IL1RAPL2: variants seen among roughly 807,000 people sequenced by gnomAD.
The protein encoded by IL1RAPL2 is X-linked interleukin-1 receptor accessory protein-like 2.
Under a neutral mutation model 44.1 loss-of-function variants are expected in IL1RAPL2, and 3 were observed. That is an observed-to-expected ratio of 0.07 (90% CI 0.03 to 0.18). The LOEUF (loss-of-function observed/expected upper bound fraction) is 0.18, where lower values mean the gene tolerates loss of function less well. Among genes scored for constraint, IL1RAPL2 ranks in the 10% least tolerant of loss-of-function variants. The pLI is 1.00. For missense variants in IL1RAPL2, 391 were observed against 496.4 expected (o/e 0.79, Z 2.02); for synonymous variants, 181 against 178.8 (o/e 1.01, Z -0.10).
intron 5 of IL1RAPL2, among the ~76,000 whole-genome samples, chrX:105,422,205 G>T (rs2035778162): frequency 8.9e-6 from 1 of 111,768 alleles, no homozygotes; most frequent in South Asian, 3.7e-4. Context: ...GCTGAGCCCA[G>T]CCTTGGATTT....
At chrX:105,452,834 A>C (rs769899396) in intron 5 of IL1RAPL2, among the ~76,000 whole-genome samples, 70 of 112,277 alleles carry the variant, frequency 6.2e-4, no homozygotes, top group Middle Eastern at 4.2e-3. Context: ...AAGAATGAAA[A>C]ATGAGAATCC....
At chrX:104,853,153 G>A (rs1268224603) in intron 2 of IL1RAPL2, among the ~76,000 whole-genome samples, 1 of 112,312 alleles carries the variant, frequency 8.9e-6, no homozygotes, top group African/African-American at 3.2e-5. Context: ...GCTAGGTACT[G>A]TGGAGAATAT....
At chrX:104,622,205 G>A (rs1929413395) in intron 1 of IL1RAPL2, among the ~76,000 whole-genome samples, 1 of 110,364 alleles carries the variant, frequency 9.1e-6, no homozygotes, top group African/African-American at 3.3e-5. Context: ...TTTTCTAACT[G>A]CAATATTGAG....
intron 5 of IL1RAPL2, among the ~76,000 whole-genome samples, chrX:105,344,124 G>A (rs756412609): frequency 9.0e-6 from 1 of 111,693 alleles, no homozygotes; most frequent in East Asian, 2.8e-4. Context: ...TGAACCCCTG[G>A]CCTCAAGTGA....
chrX:104,938,313 C>T (rs1925074497), intron 2 of IL1RAPL2, among the ~76,000 whole-genome samples: 1 of 111,717 alleles, frequency 9.0e-6, no homozygotes, highest in Admixed American at 9.6e-5. Flanking sequence ...GAATTCTTGT[C>T]CAATATCAAT....
intron 4 of IL1RAPL2, among the ~76,000 whole-genome samples, chrX:105,238,486 G>A (rs1454577982): frequency 9.0e-5 from 10 of 110,751 alleles, no homozygotes; most frequent in Non-Finnish European, 1.9e-4. Flanking sequence ...TGTGAACAAG[G>A]ACTTCAGGTC....
intron 6 of IL1RAPL2, among the ~76,000 whole-genome samples, chrX:105,541,556 A>G (rs1296021816): frequency 9.0e-6 from 1 of 111,052 alleles, no homozygotes; most frequent in Non-Finnish European, 1.9e-5. Context: ...AGAGCATTGA[A>G]TACTGAGCTG....
chrX:105,038,989 A>G (rs749212145), intron 2 of IL1RAPL2, among the ~76,000 whole-genome samples: 4 of 111,468 alleles, frequency 3.6e-5, no homozygotes, highest in Non-Finnish European at 7.5e-5. Context: ...CAATGCCTAT[A>G]AGCTCTGTTG....
At chrX:105,694,927 AGGCATTTTTCCCCTGGAAATG>A (rs2038064829) in intron 6 of IL1RAPL2, among the ~76,000 whole-genome samples, 1 of 111,479 alleles carries the variant, frequency 9.0e-6, no homozygotes, top group Non-Finnish European at 1.9e-5. Context: ...ATGACCTTTA[AGGCATTTTTCCCCTGGAAATG>A]AGACTAGTTC....
At chrX:105,640,654 GTATATATATATATATA>G (rs768814568) in intron 6 of IL1RAPL2, among the ~76,000 whole-genome samples, 4,934 of 59,463 alleles carry the variant, frequency 0.083, 418 homozygotes, top group African/African-American at 0.25. Context: ...GTATGTGTGT[GTATATATATATATATA>G]TATATATATA....
chrX:105,732,080 G>A (rs1019789859), intron 7 of IL1RAPL2, among the ~76,000 whole-genome samples: 10 of 111,123 alleles, frequency 9.0e-5, no homozygotes, highest in Non-Finnish European at 1.5e-4. Context: ...AAAATATTAC[G>A]TATTAATAGA....
chrX:105,669,325 T>C (rs2037797468), intron 6 of IL1RAPL2, among the ~76,000 whole-genome samples: 2 of 111,447 alleles, frequency 1.8e-5, no homozygotes, highest in African/African-American at 6.5e-5. Flanking sequence ...CTTCTGCACA[T>C]GTGCTTAATA....
chrX:104,715,955 C>CA (rs965342922), intron 2 of IL1RAPL2, among the ~76,000 whole-genome samples: 60 of 111,086 alleles, frequency 5.4e-4, no homozygotes, highest in African/African-American at 2.0e-3. Flanking sequence ...CATATGGAAT[C>CA]AAAAAACAGC....
At chrX:105,212,931 C>A (rs997111486) in intron 3 of IL1RAPL2, among the ~76,000 whole-genome samples, 2 of 112,071 alleles carry the variant, frequency 1.8e-5, no homozygotes, top group African/African-American at 6.5e-5. Context: ...CCAACAACAT[C>A]AACATCAGTA....
chrX:105,041,870 A>G (rs1356972831), intron 2 of IL1RAPL2, among the ~76,000 whole-genome samples: 4 of 111,226 alleles, frequency 3.6e-5, no homozygotes, highest in Admixed American at 9.6e-5. Context: ...TACTGGTACC[A>G]AAACAGAGAT....
chrX:104,702,235 C>T (rs1931287633), intron 2 of IL1RAPL2, among the ~76,000 whole-genome samples: 1 of 111,449 alleles, frequency 9.0e-6, no homozygotes, highest in Non-Finnish European at 1.9e-5. Flanking sequence ...TGTTTTGTCA[C>T]ATTATATAAA....
At chrX:104,657,115 C>T in intron 1 of IL1RAPL2, among the ~76,000 whole-genome samples, 1 of 111,194 alleles carries the variant, frequency 9.0e-6, no homozygotes, top group South Asian at 3.8e-4. Context: ...ACTGATTGGT[C>T]TTGACTCTTT....
intron 2 of IL1RAPL2, among the ~76,000 whole-genome samples, chrX:105,184,125 G>A (rs2033561172): frequency 8.9e-6 from 1 of 111,777 alleles, no homozygotes; most frequent in South Asian, 3.7e-4. Flanking sequence ...GTCTCTCCAG[G>A]CTTCCAGCCT....
intron 6 of IL1RAPL2, among the ~76,000 whole-genome samples, chrX:105,539,495 C>A (rs1352078995): frequency 9.0e-6 from 1 of 111,541 alleles, no homozygotes. Context: ...AACTGGATAC[C>A]TTCCTTACAC....
Sources: gnomAD v4.1 joint callset for allele counts (sites outside exome capture counted in the v4.1 genomes callset) on GRCh38, gnomAD v4.1.1 for gene constraint, MANE v1.5 for transcripts, NCBI Gene and HGNC (gene_info 2026-07-23, HGNC 2026-07-21) for gene names.